The following RAPGEF2 variants were observed in gnomAD, a reference collection of about 807,000 sequenced individuals.
The protein encoded by RAPGEF2 is PDZ domain containing guanine nucleotide exchange factor (GEF) 1.
Under a neutral mutation model 186.7 loss-of-function variants are expected in RAPGEF2, and 54 were observed. That is an observed-to-expected ratio of 0.29 (90% CI 0.23 to 0.36). The LOEUF (loss-of-function observed/expected upper bound fraction) is 0.36, where lower values mean the gene tolerates loss of function less well. Ranked by LOEUF, RAPGEF2 falls within the 10% of genes least tolerant of loss-of-function variation. The pLI is 1.00. For synonymous variants in RAPGEF2, 712 were observed against 705.9 expected (o/e 1.01, Z -0.14); for missense variants, 1,532 against 2,045.0 (o/e 0.75, Z 4.84).
intron 17 of RAPGEF2, among the ~76,000 whole-genome samples, chr4:159,336,984 T>C (rs1040183914): frequency 1.3e-5 from 2 of 152,240 alleles, no homozygotes; most frequent in African/African-American, 4.8e-5. Context: ...TGTGTTTGCT[T>C]ATTGCTTTAT....
At position 159,193,191 on chromosome 4, in the gene RAPGEF2, CT is replaced by C; in HGVS notation, c.141-5del. 6.8e-7 allele frequency: 1 copy of C among 1,479,030 alleles called. No homozygotes were observed. The highest frequency in any genetic ancestry group is 1.4e-5 in the South Asian group (1 of 73,580). 91.6% of individuals were successfully genotyped at this position (1,479,030 alleles called of 1,614,324 possible). On this transcript the variant is annotated splice_polypyrimidine_tract_variant and splice_region_variant and intron_variant, in intron 2 of 29. Coordinates refer to ENST00000691494, the MANE Select transcript of RAPGEF2 (RefSeq NM_001394067.2). ...AGATGTTGAACTCATGTTTTTATCTCTTTTACAGGTTAATGTGTGAAACTGT... is the reference window on the plus strand; with the variant it reads ...AGATGTTGAACTCATGTTTTTATCTCTTTACAGGTTAATGTGTGAAACTGT...
At chr4:159,268,358 T>C in intron 7 of RAPGEF2, 1 of 611,062 alleles carries the variant, frequency 1.6e-6, no homozygotes, top group Non-Finnish European at 2.7e-6. Flanking sequence ...GGAGGGTGCA[T>C]TAAAGCTGGC....
intron 11 of RAPGEF2, among the ~76,000 whole-genome samples, chr4:159,324,876 C>T (rs1765717667): frequency 2.0e-5 from 3 of 152,074 alleles, no homozygotes; most frequent in African/African-American, 7.2e-5. Context: ...TTTATGACGT[C>T]TTCTAAAAGA....
intron 22 of RAPGEF2, 43 bp from the exon 23 acceptor site, chr4:159,343,993 C>T (rs765804649): frequency 2.6e-6 from 4 of 1,521,958 alleles, no homozygotes; most frequent in Non-Finnish European, 3.6e-6. Flanking sequence ...TTCTGTCTCT[C>T]TTTCTACACC....
intron 17 of RAPGEF2, among the ~76,000 whole-genome samples, chr4:159,333,850 G>T (rs956467691): frequency 6.6e-6 from 1 of 152,180 alleles, no homozygotes; most frequent in Non-Finnish European, 1.5e-5. Context: ...AAGACATGCA[G>T]TAGATATGCA....
intron 1 of RAPGEF2, among the ~76,000 whole-genome samples, chr4:159,159,287 G>T (rs1188767141): frequency 1.3e-5 from 2 of 152,158 alleles, no homozygotes; most frequent in East Asian, 1.9e-4. Flanking sequence ...CCACTGTTAG[G>T]CAAATATGGT....
At chr4:159,198,405 C>CCT (rs1197163657) in intron 3 of RAPGEF2, among the ~76,000 whole-genome samples, 103 of 104,926 alleles carry the variant, frequency 9.8e-4, no homozygotes, top group African/African-American at 1.3e-3. Flanking sequence ...CCTCTCTCTT[C>CCT]CTCTCTTCCT....
chr4:159,342,071 T>A, intron 20 of RAPGEF2, 124 bp downstream of exon 20: 1 of 973,940 alleles, frequency 1.0e-6, no homozygotes, highest in East Asian at 2.6e-5. Context: ...AAGAGACAAT[T>A]CTTTTTCTCT....
chr4:159,357,183 G>A (rs1479911671), intron 29 of RAPGEF2, among the ~76,000 whole-genome samples: 1 of 152,160 alleles, frequency 6.6e-6, no homozygotes, highest in African/African-American at 2.4e-5. Context: ...AACATAGTGA[G>A]ACCTGTCTCC....
rs75648580 is a variant in RAPGEF2 at position 159,204,048 on chromosome 4, G to A, written c.198-6452G>A. Reference sequence around the variant, plus strand: ...GACCTTCTCCTGTGAAGGACCATGGGGTTCATCAGAAGGATGTCATCTGAT... The same window carrying A: ...GACCTTCTCCTGTGAAGGACCATGGAGTTCATCAGAAGGATGTCATCTGAT... On this transcript the variant is annotated intron_variant, in intron 3 of 29. Transcript: ENST00000691494. Among the ~76,000 whole-genome samples the A allele has an allele frequency of 7.0e-3, 1,072 of 152,288 alleles. 11 individuals are homozygous for A. The highest frequency in any genetic ancestry group is 0.025 in the African/African-American group (1,022 of 41,558).
intron 7 of RAPGEF2, among the ~76,000 whole-genome samples, chr4:159,297,637 T>C (rs1236114336): frequency 2.0e-5 from 3 of 147,456 alleles, no homozygotes; most frequent in African/African-American, 5.3e-5. Context: ...ATGTAGACTT[T>C]TGGGGAAATA....
At chr4:159,314,492 T>C in intron 8 of RAPGEF2, 99 bp from the exon 9 acceptor site, 1 of 1,097,204 alleles carries the variant, frequency 9.1e-7, no homozygotes, top group Non-Finnish European at 1.2e-6. Context: ...AAAATAAATA[T>C]AACAAGCATT....
At chr4:159,317,616 T>C (rs1764760375) in intron 9 of RAPGEF2, among the ~76,000 whole-genome samples, 1 of 152,204 alleles carries the variant, frequency 6.6e-6, no homozygotes, top group African/African-American at 2.4e-5. Context: ...CACTCTCCAA[T>C]TCCCTGTTCA....
At chr4:159,130,603 A>AT (rs1160305841) in intron 1 of RAPGEF2, among the ~76,000 whole-genome samples, 1 of 152,234 alleles carries the variant, frequency 6.6e-6, no homozygotes, top group Non-Finnish European at 1.5e-5. Context: ...AAAATTAAAA[A>AT]TTTTTAAACA....
intron 1 of RAPGEF2, among the ~76,000 whole-genome samples, chr4:159,113,216 A>G (rs1048154880): frequency 1.3e-5 from 2 of 152,210 alleles, no homozygotes; most frequent in African/African-American, 2.4e-5. Flanking sequence ...ACAACAACAA[A>G]AAAACATTAT....
chr4:159,351,710 A>G (rs917686514), intron 26 of RAPGEF2, among the ~76,000 whole-genome samples: 10 of 152,252 alleles, frequency 6.6e-5, no homozygotes, highest in African/African-American at 2.4e-4. Flanking sequence ...TGGGAGGCCA[A>G]GACAGGCTGA....
chr4:159,310,682 A>G (rs1763849300), intron 8 of RAPGEF2, among the ~76,000 whole-genome samples: 1 of 152,158 alleles, frequency 6.6e-6, no homozygotes. Context: ...AATCTATGTT[A>G]GTCAGTACCT....
intron 8 of RAPGEF2, among the ~76,000 whole-genome samples, chr4:159,312,594 C>T (rs1377250651): frequency 1.3e-5 from 2 of 152,138 alleles, no homozygotes; most frequent in Admixed American, 1.3e-4. Flanking sequence ...TTATTACTCT[C>T]CTGCCTGCAG....
At chr4:159,261,221 T>C (rs1756813700) in intron 7 of RAPGEF2, among the ~76,000 whole-genome samples, 2 of 151,884 alleles carry the variant, frequency 1.3e-5, no homozygotes, top group Non-Finnish European at 2.9e-5. Context: ...CCACCAAGAC[T>C]GGCTAATTTT....
Sources: gnomAD v4.1 joint callset for allele counts (sites outside exome capture counted in the v4.1 genomes callset) on GRCh38, gnomAD v4.1.1 for gene constraint, MANE v1.5 for transcripts, NCBI Gene and HGNC (gene_info 2026-07-23, HGNC 2026-07-21) for gene names.